PCDH15: variants seen among roughly 807,000 people sequenced by gnomAD.
PCDH15 encodes the protein protocadherin related 15.
A neutral mutation model predicts 178.5 loss-of-function variants in PCDH15; 129 were observed. That is an observed-to-expected ratio of 0.72 (90% CI 0.63 to 0.84). The LOEUF (loss-of-function observed/expected upper bound fraction) is 0.84, where lower values mean the gene tolerates loss of function less well. Among genes scored for constraint, PCDH15 ranks in the 40% least tolerant of loss-of-function variants. The probability of loss-of-function intolerance (pLI) is 0.00; values close to 1 mark genes in which losing one functional copy is unlikely to be tolerated. For synonymous variants in PCDH15, 800 were observed against 732.0 expected, an observed-to-expected ratio of 1.09 and a Z score of -1.50; for missense variants, 2,230 against 2,099.9, an observed-to-expected ratio of 1.06 and a Z score of -1.21.
At chr10:54,651,149 A>G (rs2094250757) in intron 2 of PCDH15, among the ~76,000 whole-genome samples, 2 of 152,282 alleles carry the variant, frequency 1.3e-5, no homozygotes, top group South Asian at 4.1e-4. Context: ...GGATAGATGG[A>G]TTACGAGAAA....
intron 3 of PCDH15, among the ~76,000 whole-genome samples, chr10:54,406,038 T>A (rs961883214): frequency 1.2e-4 from 18 of 152,102 alleles, no homozygotes; most frequent in African/African-American, 4.3e-4. Flanking sequence ...TGGAGCCTTA[T>A]AGAACATTGA....
In PCDH15 at chr10:54,374,336, T is replaced by C. The variant is rs73249907; in HGVS notation, c.318+4446A>G. 7.9e-3 allele frequency among the ~76,000 whole-genome samples: 1,210 copies of C among 152,222 alleles called. 15 individuals carry two copies. The highest frequency in any genetic ancestry group is 0.028 in the African/African-American group (1,146 of 41,566). ...GTCTGAAAGAAAAGAAGCTAAGATA[T>C]TTGATGTTGTTATGAACATAATTTC... On this transcript the variant is annotated intron_variant, in intron 4 of 37. Transcript: ENST00000644397.
chr10:55,260,375 T>C (rs761946364), intron 1 of PCDH15, among the ~76,000 whole-genome samples: 28 of 151,882 alleles, frequency 1.8e-4, no homozygotes, highest in Non-Finnish European at 3.7e-4. Flanking sequence ...AAAAGGAAGA[T>C]AGAGATGCTG....
chr10:54,519,996 A>G (rs927838960), intron 3 of PCDH15, among the ~76,000 whole-genome samples: 1 of 152,230 alleles, frequency 6.6e-6, no homozygotes, highest in Non-Finnish European at 1.5e-5. Context: ...GTGCTGGTAC[A>G]ACTGGCTAGC....
chr10:54,366,795 T>C (rs1946885600), intron 5 of PCDH15, among the ~76,000 whole-genome samples: 1 of 151,956 alleles, frequency 6.6e-6, no homozygotes, highest in East Asian at 1.9e-4. Context: ...TACACACATT[T>C]GATATTATCA....
chr10:54,601,917 G>C (rs2092554279), intron 2 of PCDH15, among the ~76,000 whole-genome samples: 1 of 151,970 alleles, frequency 6.6e-6, no homozygotes, highest in Non-Finnish European at 1.5e-5. Flanking sequence ...TCACTTATAA[G>C]TGGGAGCTAA....
intron 1 of PCDH15, among the ~76,000 whole-genome samples, chr10:55,265,840 A>C (rs896617780): frequency 2.4e-4 from 36 of 152,126 alleles, no homozygotes; most frequent in Non-Finnish European, 8.8e-5. Context: ...TATCAGGAGG[A>C]AGTTCCAGAA....
intron 1 of PCDH15, among the ~76,000 whole-genome samples, chr10:55,181,874 T>C (rs1371844807): frequency 6.6e-6 from 1 of 151,982 alleles, no homozygotes; most frequent in Non-Finnish European, 1.5e-5. Context: ...GTTAGATGTC[T>C]CAGAAGAAAA....
chr10:54,103,300 C>A (rs1241307477), intron 15 of PCDH15, among the ~76,000 whole-genome samples: 1 of 152,224 alleles, frequency 6.6e-6, no homozygotes, highest in Non-Finnish European at 1.5e-5. Flanking sequence ...CAGAGCCTTA[C>A]ATGAGTCAGA....
chr10:54,727,131 A>T (rs1043109410), intron 1 of PCDH15, among the ~76,000 whole-genome samples: 1 of 151,444 alleles, frequency 6.6e-6, no homozygotes, highest in Non-Finnish European at 1.5e-5. Context: ...CCAACAAAAA[A>T]CAGCAGAATA....
intron 2 of PCDH15, among the ~76,000 whole-genome samples, chr10:54,971,284 G>T (rs1413679195): frequency 2.6e-5 from 4 of 152,124 alleles, no homozygotes; most frequent in Admixed American, 1.3e-4. Context: ...ATCATGGTTG[G>T]ATCAGGGCCA....
At chr10:54,946,735 A>G (rs1838208383) in intron 2 of PCDH15, among the ~76,000 whole-genome samples, 1 of 151,988 alleles carries the variant, frequency 6.6e-6, no homozygotes, top group East Asian at 1.9e-4. Context: ...GCACTTTACA[A>G]GGTGATCTTA....
chr10:55,324,694 T>G (rs919422875), intron 2 of PCDH15, among the ~76,000 whole-genome samples: 27 of 152,176 alleles, frequency 1.8e-4, no homozygotes, highest in African/African-American at 5.8e-4. Context: ...ACAATTTTTT[T>G]TTAGTTTAAT....
chr10:55,495,156 GA>G (rs975277516), intron 2 of PCDH15, among the ~76,000 whole-genome samples: 1 of 151,548 alleles, frequency 6.6e-6, no homozygotes, highest in Admixed American at 6.6e-5. Context: ...ACTCTTACAG[GA>G]AAAAATAGGT....
intron 26 of PCDH15, among the ~76,000 whole-genome samples, chr10:53,892,978 A>C (rs1179371587): frequency 6.6e-6 from 1 of 152,206 alleles, no homozygotes; most frequent in African/African-American, 2.4e-5. Context: ...TAATTGAAAG[A>C]AAAGATGATA....
At chr10:53,867,925 T>C (rs1366633745) in intron 26 of PCDH15, among the ~76,000 whole-genome samples, 1 of 152,124 alleles carries the variant, frequency 6.6e-6, no homozygotes, top group African/African-American at 2.4e-5. Flanking sequence ...TGGTGATAGG[T>C]ACTTATGATC....
rs545025377 is a variant in PCDH15, at chr10:55,202,673, C to A, written c.-155-36022G>T. ...TGTGGTTTGGCTCTGTGTCCCCACC[C>A]AAACTTTATCTTGAATAGTAATCCC... On this transcript the variant is annotated intron_variant, in intron 1 of 5. Transcript: ENST00000458638. Among the ~76,000 whole-genome samples the A allele has an allele frequency of 5.9e-5, 9 of 152,216 alleles. No individual in the cohort carries two copies. The South Asian group carries it at 1.9e-3, about 32-fold the overall frequency.
rs1405971993 is a variant in PCDH15 at position 54,528,396 on chromosome 10, T to G, written c.92-519A>C. 2.5e-6 allele frequency: 4 copies of G among 1,576,948 alleles called. No homozygotes were observed. The South Asian group carries it at 4.6e-5, about 18-fold the overall frequency. On this transcript the variant is annotated intron_variant, in intron 2 of 37. Transcript: ENST00000644397. ...TATTTTTGTCATCTTACCCTCATAT[T>G]GCCAGTCTGGAGTCAAAAGTATAGA...
chr10:54,805,623 T>G (rs1952767512), upstream of PCDH15, among the ~76,000 whole-genome samples: 1 of 152,190 alleles, frequency 6.6e-6, no homozygotes. Context: ...TTTTTAACCC[T>G]AGCACTTACC....
Sources: gnomAD v4.1 joint callset for allele counts (sites outside exome capture counted in the v4.1 genomes callset) on GRCh38, gnomAD v4.1.1 for gene constraint, MANE v1.5 for transcripts, NCBI Gene and HGNC (gene_info 2026-07-23, HGNC 2026-07-21) for gene names.